TTC39C: variants seen among roughly 807,000 people sequenced by gnomAD.
TTC39C encodes tetratricopeptide repeat protein 39C.
A neutral mutation model predicts 76.3 loss-of-function variants in TTC39C; 33 were observed. That is an observed-to-expected ratio of 0.43 (90% CI 0.33 to 0.58). The LOEUF (loss-of-function observed/expected upper bound fraction) is 0.58. Among genes scored for constraint, TTC39C ranks in the 20% least tolerant of loss-of-function variants. TTC39C has a pLI of 0.04. For missense variants in TTC39C, 595 were observed against 701.4 expected (o/e 0.85, Z 1.71); for synonymous variants, 254 against 260.6 (o/e 0.97, Z 0.24).
At chr18:24,001,411 T>G (rs1237054362) in intron 1 of TTC39C, among the ~76,000 whole-genome samples, 1 of 152,208 alleles carries the variant, frequency 6.6e-6, no homozygotes, top group Non-Finnish European at 1.5e-5. Context: ...CGCTCTCTCA[T>G]TTTTCCTGGG....
rs78927069 is a variant in TTC39C, at chr18:24,074,130, C to G, written c.460+4859C>G. On this transcript the variant is annotated intron_variant, in intron 4 of 13. Transcript: ENST00000317571. ...ATAAGTAAGTAAATAAATTCTAATTCAGCAGGATACTTCAGCCATAGACAT... is the reference window on the plus strand; with the variant it reads ...ATAAGTAAGTAAATAAATTCTAATTGAGCAGGATACTTCAGCCATAGACAT... Among the ~76,000 whole-genome samples, 844 of 152,330 alleles carry G rather than the reference C, an allele frequency of 5.5e-3. 14 individuals are homozygous for G. The highest frequency in any genetic ancestry group is 0.019 in the African/African-American group (801 of 41,578).
intron 4 of TTC39C, among the ~76,000 whole-genome samples, chr18:24,071,597 A>G (rs924788593): frequency 6.6e-6 from 1 of 152,078 alleles, no homozygotes; most frequent in Non-Finnish European, 1.5e-5. Flanking sequence ...TACTTTGGGT[A>G]TTTTCCCTAT....
intron 1 of TTC39C, among the ~76,000 whole-genome samples, chr18:23,997,154 T>G (rs1003846285): frequency 1.3e-5 from 2 of 152,124 alleles, no homozygotes; most frequent in South Asian, 4.1e-4. Flanking sequence ...CAGTGGCTCC[T>G]ATCTGTAATC....
chr18:24,044,162 G>A (rs1376492589), intron 1 of TTC39C, among the ~76,000 whole-genome samples: 1 of 152,018 alleles, frequency 6.6e-6, no homozygotes, highest in African/African-American at 2.4e-5. Flanking sequence ...TACACAGCAC[G>A]GGGGCAGGTT....
At position 24,086,918 on chromosome 18, in the gene TTC39C, G is replaced by T. The variant is rs1047102429; in HGVS notation, c.984+3837G>T. Among the ~76,000 whole-genome samples the T allele has an allele frequency of 4.8e-5, 7 of 145,812 alleles. No homozygotes were observed. In the East Asian group the frequency reaches 6.0e-4, roughly 12 times the overall value. On this transcript the variant is annotated intron_variant, in intron 6 of 13. Transcript: ENST00000317571. ...GTCAGGTATCACATTTTCGTGTTTT[G>T]TTTTTTTTTTTCTTTTGGGGAAAAA...
chr18:24,025,577 AG>A (rs1396417555), intron 1 of TTC39C, among the ~76,000 whole-genome samples: 1 of 152,258 alleles, frequency 6.6e-6, no homozygotes, highest in Admixed American at 6.5e-5. Flanking sequence ...GTGAACTTCC[AG>A]AAAATGTTCA....
Position 24,128,862 on chromosome 18 carries a change from C to G in TTC39C, c.1421-24C>G, listed in dbSNP as rs373513901. ...TAAGTGAATGCATTTGCTTACTGCT[C>G]TGTTCACTCCCCTTCTTTTTAAGCT... is the stretch of plus-strand genomic sequence containing the variant. On this transcript the variant is annotated intron_variant, in intron 10 of 13. Transcript: ENST00000317571. The G allele has an allele frequency of 3.3e-5, 52 of 1,588,788 alleles. No individual in the cohort carries two copies. In the African/African-American group the frequency reaches 5.5e-4, roughly 17 times the overall value.
At chr18:24,113,231 G>T (rs192175225) in intron 6 of TTC39C, 62 of 256,172 alleles carry the variant, frequency 2.4e-4, no homozygotes, top group African/African-American at 1.3e-3. Context: ...AACAGTTATT[G>T]ATCCAGCTGG....
intron 1 of TTC39C, among the ~76,000 whole-genome samples, chr18:24,023,981 CAT>C (rs1412166514): frequency 3.9e-4 from 7 of 17,852 alleles, no homozygotes; most frequent in African/African-American, 9.0e-4. Context: ...TATATATATA[CAT>C]ATATATATAT....
chr18:24,127,375 A>G (rs958281808), intron 10 of TTC39C, among the ~76,000 whole-genome samples: 1 of 152,170 alleles, frequency 6.6e-6, no homozygotes, highest in African/African-American at 2.4e-5. Flanking sequence ...CATTTAGCTT[A>G]TCAGAGTCCC....
intron 6 of TTC39C, among the ~76,000 whole-genome samples, chr18:24,089,575 G>A (rs551044710): frequency 1.3e-5 from 2 of 152,260 alleles, no homozygotes; most frequent in African/African-American, 4.8e-5. Flanking sequence ...ACCGTTTACC[G>A]AAATGAGAAG....
intron 1 of TTC39C, among the ~76,000 whole-genome samples, chr18:24,045,914 TATATA>T (rs2083869986): frequency 9.6e-5 from 3 of 31,106 alleles, no homozygotes; most frequent in African/African-American, 1.6e-4. Flanking sequence ...TATATATATA[TATATA>T]TATATATATT....
At chr18:24,047,931 T>A (rs1266343594) in intron 1 of TTC39C, among the ~76,000 whole-genome samples, 1 of 152,174 alleles carries the variant, frequency 6.6e-6, no homozygotes, top group Non-Finnish European at 1.5e-5. Context: ...TATACACCTA[T>A]GTACTCATAA....
intron 4 of TTC39C, among the ~76,000 whole-genome samples, chr18:24,072,154 A>C (rs1481618935): frequency 6.6e-6 from 1 of 152,058 alleles, no homozygotes; most frequent in Non-Finnish European, 1.5e-5. Context: ...AAAAAAAAAA[A>C]ACAAAGCTCC....
chr18:24,093,871 G>A (rs75789643), intron 6 of TTC39C, among the ~76,000 whole-genome samples: 3 of 152,284 alleles, frequency 2.0e-5, no homozygotes, highest in South Asian at 2.1e-4. Flanking sequence ...CCTAGATGTC[G>A]ATGGCTACTG....
chr18:24,013,998 C>T (rs929317862), upstream of TTC39C, among the ~76,000 whole-genome samples: 16 of 152,382 alleles, frequency 1.0e-4, no homozygotes, highest in African/African-American at 3.8e-4. Context: ...GCCTCCATTT[C>T]TCCTCCTGCC....
chr18:24,054,800 A>G (rs750341205), intron 1 of TTC39C, among the ~76,000 whole-genome samples: 7 of 152,206 alleles, frequency 4.6e-5, no homozygotes, highest in Non-Finnish European at 1.0e-4. Context: ...CAGTTCAGTC[A>G]TGTTAAGTAC....
intron 6 of TTC39C, among the ~76,000 whole-genome samples, chr18:24,092,905 G>A (rs543648871): frequency 2.6e-5 from 4 of 152,196 alleles, no homozygotes; most frequent in East Asian, 1.9e-4. Context: ...GCAATGTGGC[G>A]AAACCCCATT....
intron 1 of TTC39C, among the ~76,000 whole-genome samples, chr18:24,006,161 T>C (rs1022395208): frequency 5.9e-5 from 9 of 151,934 alleles, no homozygotes; most frequent in East Asian, 5.8e-4. Context: ...TACAGGTGTA[T>C]ACCATCACGT....
Sources: allele counts gnomAD v4.1 joint callset (sites outside exome capture counted in the v4.1 genomes callset), GRCh38; gene constraint gnomAD v4.1.1; transcripts MANE v1.5; gene names NCBI Gene and HGNC (gene_info 2026-07-23, HGNC 2026-07-21).